Variants in VPS13A observed in about 807,000 individuals in gnomAD.
VPS13A encodes the protein intermembrane lipid transfer protein VPS13A.
VPS13A carries 264 observed loss-of-function variants against 390.9 expected under a neutral mutation model. The observed-to-expected ratio is 0.68, with a 90% CI of 0.61 to 0.75. VPS13A has a LOEUF of 0.75. VPS13A is among the 30% of genes least tolerant of loss of function. The pLI, the probability that VPS13A is intolerant of heterozygous loss-of-function variation, is 0.00. For synonymous variants in VPS13A, 1,231 were observed against 1,227.1 expected (o/e 1.00, Z -0.07); for missense variants, 3,409 against 3,733.9 (o/e 0.91, Z 2.27).
intron 31 of VPS13A, among the ~76,000 whole-genome samples, 183 bp from the exon 32 acceptor site, chr9:77,293,158 A>G (rs1269926742): frequency 6.6e-6 from 1 of 152,122 alleles, no homozygotes; most frequent in Non-Finnish European, 1.5e-5. Context: ...CCAATTTGTA[A>G]AAGTTTGTAG....
At chr9:77,410,716 A>C (rs1399623453) in intron 71 of VPS13A, among the ~76,000 whole-genome samples, 2 of 152,166 alleles carry the variant, frequency 1.3e-5, no homozygotes, top group Non-Finnish European at 2.9e-5. Context: ...CATAATGGTA[A>C]AGGGATCAAT....
At chr9:77,233,027 G>GTAGGATCT (rs1823924764) in intron 17 of VPS13A, among the ~76,000 whole-genome samples, 1 of 152,026 alleles carries the variant, frequency 6.6e-6, no homozygotes, top group Non-Finnish European at 1.5e-5. Flanking sequence ...ATAGTTTATA[G>GTAGGATCT]GTTTATAAGT....
At chr9:77,380,708 G>A (rs1008959119) in intron 67 of VPS13A, among the ~76,000 whole-genome samples, 44 of 152,284 alleles carry the variant, frequency 2.9e-4, no homozygotes, top group Non-Finnish European at 5.7e-4. Context: ...ATCAAGGTCT[G>A]GTTTCATGGA....
intron 56 of VPS13A, among the ~76,000 whole-genome samples, 195 bp downstream of exon 56, chr9:77,358,033 G>A (rs979419971): frequency 7.3e-6 from 1 of 137,458 alleles, no homozygotes; most frequent in Non-Finnish European, 1.5e-5. Context: ...TCAGCTCACT[G>A]CAAACCCTGC....
rs1397190937 is a variant in VPS13A at position 77,421,493 on chromosome 9, A to G, written c.*5487A>G. 3.3e-5 allele frequency: 5 copies of G among 152,002 alleles called. No individual in the cohort carries two copies. Among genetic ancestry groups the G allele is most frequent in the African/African-American group, 1.2e-4 (5 of 41,384 alleles). The allele number at this position is 152,002 out of a possible 1,614,324, so 9.4% of individuals were successfully genotyped here. ...GGATTGCATGGTAAGATGACTGCCC[A>G]TTTTCACCATGTATACCTTTGTCAA... On this transcript the variant is annotated 3_prime_UTR_variant, in exon 72 of 72. Transcript: ENST00000360280.
At chr9:77,411,552 A>T (rs1026004525) in intron 71 of VPS13A, among the ~76,000 whole-genome samples, 61 of 150,352 alleles carry the variant, frequency 4.1e-4, no homozygotes, top group African/African-American at 1.5e-3. Context: ...AGTCCCAGCT[A>T]CGCGGGAGGC....
intron 60 of VPS13A, 103 bp downstream of exon 60, chr9:77,365,676 A>G (rs1832391187): frequency 1.4e-6 from 1 of 698,750 alleles, no homozygotes; most frequent in Non-Finnish European, 2.4e-6. Flanking sequence ...CTGTAAATAT[A>G]CAATTAAACT....
At chr9:77,307,532 A>G (rs1388749389) in intron 34 of VPS13A, among the ~76,000 whole-genome samples, 3 of 152,200 alleles carry the variant, frequency 2.0e-5, no homozygotes, top group Admixed American at 2.0e-4. Flanking sequence ...AAAATAGTTC[A>G]TGTAAAACAC....
chr9:77,184,565 G>A (rs1220191231), intron 1 of VPS13A, among the ~76,000 whole-genome samples: 1 of 152,214 alleles, frequency 6.6e-6, no homozygotes, highest in Non-Finnish European at 1.5e-5. Context: ...GTTGCAGTGA[G>A]CCGAGATCGT....
intron 53 of VPS13A, 49 bp downstream of exon 53, chr9:77,351,495 G>A: frequency 6.2e-7 from 1 of 1,602,572 alleles, no homozygotes; most frequent in Non-Finnish European, 8.5e-7. Flanking sequence ...TTTAAAAAAG[G>A]TATTTGGGCC....
At chr9:77,201,537 C>A in intron 3 of VPS13A, 130 bp downstream of exon 3, 1 of 867,204 alleles carries the variant, frequency 1.2e-6, no homozygotes, top group Non-Finnish European at 1.9e-6. Context: ...GTGTTTTTGT[C>A]TCAGTAGAGC....
intron 45 of VPS13A, among the ~76,000 whole-genome samples, chr9:77,327,486 A>G (rs72746010): frequency 0.057 from 8,749 of 152,194 alleles, 369 homozygotes; most frequent in South Asian, 0.12. Context: ...CATTTATGAA[A>G]TTCTTAGTTC....
chr9:77,207,213 T>TTATATATATATATATATATATATA (rs61703004), intron 5 of VPS13A, among the ~76,000 whole-genome samples: 1 of 43,094 alleles, frequency 2.3e-5, no homozygotes, highest in Non-Finnish European at 5.2e-5. Context: ...TATTTAGATA[T>TTATATATATATATATATATATATA]TATATATATA....
Position 77,227,386 on chromosome 9 carries a change from T to G in VPS13A, c.1358-5T>G. 6.2e-7 allele frequency: 1 copy of G among 1,607,428 alleles called. No homozygotes were observed. The highest frequency in any genetic ancestry group is 1.1e-5 in the South Asian group (1 of 90,902). On this transcript the variant is annotated splice_region_variant and splice_polypyrimidine_tract_variant and intron_variant, in intron 15 of 71. Coordinates refer to ENST00000360280, the MANE Select transcript of VPS13A (RefSeq NM_033305.3). ...GAACATAAAGCACTTCTTTCTGATT[T>G]GTAGCTCTTGAAGAAATGTTGACAC...
chr9:77,224,787 G>A (rs1823412231), intron 13 of VPS13A, among the ~76,000 whole-genome samples: 1 of 152,228 alleles, frequency 6.6e-6, no homozygotes, highest in African/African-American at 2.4e-5. Flanking sequence ...CTTCAATTTT[G>A]AAGGAAATTC....
At chr9:77,293,157 A>G (rs924938989) in intron 31 of VPS13A, among the ~76,000 whole-genome samples, 184 bp from the exon 32 acceptor site, 4 of 152,134 alleles carry the variant, frequency 2.6e-5, no homozygotes, top group Non-Finnish European at 1.5e-5. Flanking sequence ...ACCAATTTGT[A>G]AAAGTTTGTA....
chr9:77,389,981 C>T (rs1481327160), intron 68 of VPS13A: 1 of 575,718 alleles, frequency 1.7e-6, no homozygotes, highest in East Asian at 1.4e-4. Flanking sequence ...TAGCTTCAAA[C>T]ACTGCCTTAA....
At position 77,275,656 on chromosome 9, in the gene VPS13A, G is replaced by A. The variant is rs748465954; in HGVS notation, c.2667+4G>A. The stretch of plus-strand genomic sequence containing the variant: ...AATAAGATTTGAAGTACCAAAGGTA[G>A]GTACTACGGTAAAATTAACATGGCT... On this transcript the variant is annotated splice_donor_region_variant and intron_variant, in intron 25 of 71. Transcript: ENST00000360280. 171 of 1,612,454 alleles carry A rather than the reference G, an allele frequency of 1.1e-4. No individual in the cohort carries two copies. The highest frequency in any genetic ancestry group is 1.4e-4 in the Non-Finnish European group (165 of 1,178,964).
intron 41 of VPS13A, 52 bp downstream of exon 41, chr9:77,318,643 A>G: frequency 7.4e-7 from 1 of 1,344,752 alleles, no homozygotes; most frequent in Non-Finnish European, 1.1e-6. Flanking sequence ...ATGGAATATT[A>G]TGACAGATAA....
Sources: gnomAD v4.1 joint callset for allele counts (sites outside exome capture counted in the v4.1 genomes callset) on GRCh38, gnomAD v4.1.1 for gene constraint, MANE v1.5 for transcripts, NCBI Gene and HGNC (gene_info 2026-07-23, HGNC 2026-07-21) for gene names.